LAMA2: variants seen among roughly 807,000 people sequenced by gnomAD.
LAMA2 encodes laminin subunit alpha 2.
LAMA2 carries 269 observed loss-of-function variants against 364.8 expected under a neutral mutation model. That is an observed-to-expected ratio of 0.74 (90% confidence interval 0.67 to 0.82). LAMA2 has a LOEUF of 0.82. LAMA2 is among the 40% of genes least tolerant of loss of function. The pLI, the probability that LAMA2 is intolerant of heterozygous loss-of-function variation, is 0.00. For missense variants in LAMA2, 3,807 were observed against 3,873.2 expected, an observed-to-expected ratio of 0.98 and a Z score of 0.45; for synonymous variants, 1,379 against 1,370.6, an observed-to-expected ratio of 1.01 and a Z score of -0.14.
At chr6:129,328,763 T>C (rs886501863) in intron 29 of LAMA2, among the ~76,000 whole-genome samples, 2 of 152,128 alleles carry the variant, frequency 1.3e-5, no homozygotes, top group African/African-American at 4.8e-5. Flanking sequence ...GAAGAAAAAA[T>C]TCACCCAAAA....
chr6:129,201,465 A>G (rs566031451), intron 12 of LAMA2, among the ~76,000 whole-genome samples: 3 of 152,350 alleles, frequency 2.0e-5, no homozygotes, highest in South Asian at 4.1e-4. Flanking sequence ...AAAAAGTAGT[A>G]AGAGAAACAA....
chr6:129,165,053 A>T (rs1034242563), intron 8 of LAMA2, among the ~76,000 whole-genome samples: 4 of 152,210 alleles, frequency 2.6e-5, no homozygotes, highest in African/African-American at 9.6e-5. Flanking sequence ...AGATTCAGTG[A>T]GGTATATAAA....
intron 34 of LAMA2, among the ~76,000 whole-genome samples, chr6:129,377,220 A>G (rs1237739100): frequency 1.3e-5 from 2 of 152,048 alleles, no homozygotes; most frequent in African/African-American, 2.4e-5. Flanking sequence ...ATTGTATTTT[A>G]TTGCCTATTG....
intron 12 of LAMA2, among the ~76,000 whole-genome samples, chr6:129,238,599 GAGAGAA>G (rs1785175580): frequency 6.8e-6 from 1 of 147,000 alleles, no homozygotes; most frequent in African/African-American, 2.5e-5. Context: ...GAGAGAGAGA[GAGAGAA>G]AGCCCAAGAG....
chr6:129,052,927 C>G (rs11757516), intron 2 of LAMA2, among the ~76,000 whole-genome samples: 101,458 of 150,088 alleles, frequency 0.68, 34,613 homozygotes, highest in East Asian at 0.8. Context: ...GAAAACATTA[C>G]TATATTTCAG....
chr6:129,013,477 A>G (rs1784895091), intron 1 of LAMA2, among the ~76,000 whole-genome samples: 1 of 152,018 alleles, frequency 6.6e-6, no homozygotes, highest in African/African-American at 2.4e-5. Context: ...GAATAATGTG[A>G]TAGCAAATGG....
chr6:129,502,672 C>T lies in LAMA2; in HGVS notation c.8258C>T (p.Ala2753Val). ...GGTATTTTACAGGGTCCTTGTGCTG[C>T]AGAATCAGAACCAGCTCTTTTGATA... The part of the protein sequence containing the change: ...TPVLTHGPCA[A>V]ESEPALLIGS... Residue 2753 changes from alanine to valine, a missense_variant, in exon 59 of 65, where the codon GCA becomes GTA. Ala to Val is a moderately conservative substitution (Grantham distance 64). Transcript: ENST00000421865. The T allele has an allele frequency of 3.7e-6, 6 of 1,613,250 alleles. No individual in the cohort carries two copies. Among genetic ancestry groups the T allele is most frequent in the Non-Finnish European group, 5.1e-6 (6 of 1,179,202 alleles).
chr6:129,279,565 A>G (rs962138273), intron 17 of LAMA2, among the ~76,000 whole-genome samples: 5 of 152,150 alleles, frequency 3.3e-5, no homozygotes, highest in Non-Finnish European at 5.9e-5. Flanking sequence ...CCTGCAAGGA[A>G]GCACATGCCG....
chr6:129,484,648 A>C (rs976242656), intron 55 of LAMA2, among the ~76,000 whole-genome samples: 1 of 152,180 alleles, frequency 6.6e-6, no homozygotes, highest in Non-Finnish European at 1.5e-5. Context: ...AATAAATAAA[A>C]ATGAAAAATG....
chr6:129,509,154 T>C (rs1786357689), intron 62 of LAMA2, among the ~76,000 whole-genome samples: 1 of 152,226 alleles, frequency 6.6e-6, no homozygotes, highest in South Asian at 2.1e-4. Flanking sequence ...ATATCTTCTT[T>C]TGAGAAATGT....
intron 9 of LAMA2, among the ~76,000 whole-genome samples, chr6:129,173,526 C>A (rs1231444421): frequency 2.6e-5 from 4 of 152,162 alleles, no homozygotes; most frequent in South Asian, 4.1e-4. Flanking sequence ...AATTACATAT[C>A]TTTGAAATCT....
Position 129,154,496 on chromosome 6 carries a change from T to C in LAMA2, c.1028-9T>C. ...TTGATGTTTATTAATTTATTTTTCC[T>C]TAATGCAGCATGCAATTGTCATGGA... On this transcript the variant is annotated splice_polypyrimidine_tract_variant and intron_variant, in intron 7 of 64. Transcript: ENST00000421865. 1.2e-6 allele frequency: 2 copies of C among 1,606,564 alleles called. No individual in the cohort carries two copies. The highest frequency in any genetic ancestry group is 1.7e-6 in the Non-Finnish European group (2 of 1,173,248).
In LAMA2 at chr6:129,259,599, A is replaced by C. The variant is rs147282596; in HGVS notation, c.2097-1112A>C. ...AATAGTGAAAAGTATATTTCTTGTAATGTTTTGTAGTAATTTTTATTTGGT... is the reference window on the plus strand; with the variant it reads ...AATAGTGAAAAGTATATTTCTTGTACTGTTTTGTAGTAATTTTTATTTGGT... On this transcript the variant is annotated intron_variant, in intron 14 of 64. Coordinates refer to ENST00000421865, the MANE Select transcript of LAMA2 (RefSeq NM_000426.4). Among the ~76,000 whole-genome samples the C allele has an allele frequency of 2.9e-3, 434 of 152,228 alleles. 3 individuals are homozygous for C. Among genetic ancestry groups the C allele is most frequent in the African/African-American group, 0.01 (419 of 41,568 alleles).
chr6:129,512,377 G>A lies in LAMA2; in HGVS notation c.8872G>A (p.Val2958Met). 1 of 1,613,608 alleles carries A rather than the reference G, an allele frequency of 6.2e-7. No homozygotes were observed. Among genetic ancestry groups the A allele is most frequent in the Admixed American group, 1.7e-5 (1 of 59,992 alleles). ...TCATTTTACAGTTGGTGGATTCAAA[G>A]TGGGATTGGACCTTCTTGTAGAATT... ...GFAKAVGGFK[V>M]GLDLLVEFEF... The change falls in exon 63 of 65, where the codon GTG (valine) becomes ATG (methionine). Residue 2958 changes from valine (V) to methionine (M), a missense_variant. By Grantham distance (21) the Val-to-Met change is conservative (BLOSUM62 1). This residue lies in a region of LAMA2 where 3,333 missense variants were observed against 3,345.7 expected (regional missense o/e 1.00). Coordinates refer to ENST00000421865, the MANE Select transcript of LAMA2 (RefSeq NM_000426.4).
At chr6:129,200,395 TATAC>T (rs1782190180) in intron 12 of LAMA2, among the ~76,000 whole-genome samples, 3 of 144,762 alleles carry the variant, frequency 2.1e-5, no homozygotes, top group Non-Finnish European at 4.5e-5. Context: ...TACATGTGTA[TATAC>T]ATGTACACAT....
intron 1 of LAMA2, chr6:128,929,391 G>T: frequency 4.3e-6 from 4 of 934,888 alleles, no homozygotes; most frequent in Non-Finnish European, 7.1e-6. Flanking sequence ...AGTCATGTGA[G>T]GATGAGTGAT....
chr6:129,280,352 A>T (rs1007343777), intron 18 of LAMA2, among the ~76,000 whole-genome samples: 4 of 152,192 alleles, frequency 2.6e-5, no homozygotes, highest in African/African-American at 9.6e-5. Context: ...ATAAATCTTC[A>T]TTCACTCAGA....
intron 1 of LAMA2, among the ~76,000 whole-genome samples, chr6:129,024,418 C>T (rs1785665947): frequency 7.3e-6 from 1 of 136,138 alleles, no homozygotes; most frequent in Non-Finnish European, 1.5e-5. Flanking sequence ...CAGTCTCAGT[C>T]CATTGCCCAG....
intron 1 of LAMA2, among the ~76,000 whole-genome samples, chr6:128,889,532 T>TCC (rs1226574125): frequency 6.6e-6 from 1 of 152,186 alleles, no homozygotes. Context: ...GGATAGCTTT[T>TCC]CCTTCTCTCT....
Sources: allele counts gnomAD v4.1 joint callset (sites outside exome capture counted in the v4.1 genomes callset), GRCh38; gene constraint gnomAD v4.1.1; regional missense constraint gnomAD v4.1.1; transcripts MANE v1.5; gene names NCBI Gene and HGNC (gene_info 2026-07-23, HGNC 2026-07-21).